Variants in KIAA1671 observed in about 807,000 individuals in gnomAD.
The protein encoded by KIAA1671 is uncharacterized protein KIAA1671.
A neutral mutation model predicts 131.2 loss-of-function variants in KIAA1671; 52 were observed. That is an observed-to-expected ratio of 0.40 (90% CI 0.32 to 0.50). KIAA1671 has a LOEUF of 0.50. Among genes scored for constraint, KIAA1671 ranks in the 20% least tolerant of loss-of-function variants. KIAA1671 has a pLI of 0.73. For synonymous variants in KIAA1671, 1,003 were observed against 961.6 expected (o/e 1.04, Z -0.80); for missense variants, 2,360 against 2,364.2 (o/e 1.00, Z 0.04).
intron 5 of KIAA1671, chr22:25,048,924 T>G (rs1193064720): frequency 9.3e-6 from 3 of 322,776 alleles, no homozygotes; most frequent in African/African-American, 4.3e-5. Context: ...ACATTCCATG[T>G]GCTGTTTCTT....
At chr22:24,984,576 A>C (rs1160442413) in intron 1 of KIAA1671, among the ~76,000 whole-genome samples, 1 of 152,194 alleles carries the variant, frequency 6.6e-6, no homozygotes, top group Non-Finnish European at 1.5e-5. Flanking sequence ...CAACTTAATA[A>C]GCGTGGAATT....
At chr22:25,021,466 C>CT (rs75152681) in intron 1 of KIAA1671, among the ~76,000 whole-genome samples, 6,716 of 133,540 alleles carry the variant, frequency 0.05, 562 homozygotes, top group African/African-American at 0.17. Context: ...TTGTCCTTAC[C>CT]TTTTTTTTTT....
At chr22:25,086,633 A>T (rs763991983) in intron 6 of KIAA1671, among the ~76,000 whole-genome samples, 1 of 152,134 alleles carries the variant, frequency 6.6e-6, no homozygotes, top group Non-Finnish European at 1.5e-5. Flanking sequence ...GCCCATCTCC[A>T]TCTGCCCCGT....
intron 1 of KIAA1671, among the ~76,000 whole-genome samples, chr22:24,996,765 G>A (rs1297084791): frequency 6.6e-6 from 1 of 152,192 alleles, no homozygotes; most frequent in East Asian, 1.9e-4. Context: ...ACCAGGAGGG[G>A]TGGAGACTGT....
chr22:25,050,880 T>C (rs2068474123), intron 6 of KIAA1671: 1 of 152,226 alleles, frequency 6.6e-6, no homozygotes, highest in African/African-American at 2.4e-5. Flanking sequence ...AGCTCTGACT[T>C]AGCTTATCTG....
At chr22:25,044,393 TTA>T (rs2145812541) in intron 5 of KIAA1671, among the ~76,000 whole-genome samples, 1 of 152,268 alleles carries the variant, frequency 6.6e-6, no homozygotes, top group South Asian at 2.1e-4. Flanking sequence ...AATGCGACAC[TTA>T]TGTTTGCCAG....
intron 6 of KIAA1671, among the ~76,000 whole-genome samples, chr22:25,163,264 GC>G (rs1933510716): frequency 1.3e-5 from 2 of 150,896 alleles, no homozygotes; most frequent in African/African-American, 4.9e-5. Context: ...AGGAGTCGAG[GC>G]TGCAGTGAGC....
intron 4 of KIAA1671, 130 bp downstream of exon 4, chr22:25,032,826 T>A: frequency 2.0e-6 from 1 of 507,820 alleles, no homozygotes; most frequent in Non-Finnish European, 3.5e-6. Flanking sequence ...TAAAACATTT[T>A]TTCTTCTAAT....
chr22:25,065,424 C>T (rs541699295), intron 6 of KIAA1671, among the ~76,000 whole-genome samples: 2 of 152,162 alleles, frequency 1.3e-5, no homozygotes, highest in Admixed American at 1.3e-4. Flanking sequence ...CATTCCTGCC[C>T]CGTCCCCACA....
At chr22:24,966,060 A>G (rs545959313) in intron 1 of KIAA1671, among the ~76,000 whole-genome samples, 1 of 152,180 alleles carries the variant, frequency 6.6e-6, no homozygotes, top group Non-Finnish European at 1.5e-5. Context: ...CTTCGCAGCT[A>G]GTGGCAGGCA....
In KIAA1671 at chr22:25,049,089, A is replaced by T. The variant is rs1927394266; in HGVS notation, c.4396-141A>T. The stretch of plus-strand genomic sequence containing the variant: ...GCTACCGCCCTACATGTTACCTCTG[A>T]TCATTAAAGTGGGGGATTTCTGGGG... On this transcript the variant is annotated intron_variant, in intron 5 of 12. Coordinates refer to ENST00000358431, the MANE Select transcript of KIAA1671 (RefSeq NM_001145206.2). The T allele has an allele frequency of 5.7e-6, 6 of 1,045,218 alleles. No homozygotes were observed. In the East Asian group the frequency reaches 1.1e-4, roughly 18 times the overall value. The allele number at this position is 1,045,218 out of a possible 1,614,324, so 64.7% of individuals were successfully genotyped here.
chr22:24,998,091 G>A (rs1340739427), intron 1 of KIAA1671, among the ~76,000 whole-genome samples: 1 of 152,136 alleles, frequency 6.6e-6, no homozygotes, highest in Non-Finnish European at 1.5e-5. Flanking sequence ...CCCATCATAA[G>A]TCAAAAGTAT....
At chr22:25,123,854 G>A (rs1043427588) in intron 6 of KIAA1671, among the ~76,000 whole-genome samples, 1 of 152,174 alleles carries the variant, frequency 6.6e-6, no homozygotes, top group Non-Finnish European at 1.5e-5. Context: ...TGAGTTGTGG[G>A]GCTATTTGTT....
chr22:25,181,461 C>T (rs535269255), intron 9 of KIAA1671, among the ~76,000 whole-genome samples: 80 of 152,274 alleles, frequency 5.3e-4, no homozygotes, highest in African/African-American at 1.9e-3. Flanking sequence ...TCTGTCCTCC[C>T]GCAAAAGAAA....
intron 1 of KIAA1671, among the ~76,000 whole-genome samples, chr22:25,008,746 T>C (rs1204448032): frequency 6.6e-6 from 1 of 152,226 alleles, no homozygotes; most frequent in African/African-American, 2.4e-5. Context: ...TAATGACTAA[T>C]AACCAGACTT....
At chr22:25,090,111 A>T (rs1601301012) in intron 6 of KIAA1671, among the ~76,000 whole-genome samples, 1 of 152,208 alleles carries the variant, frequency 6.6e-6, no homozygotes, top group Non-Finnish European at 1.5e-5. Flanking sequence ...ATCTGTGAGG[A>T]TCCAGGGAGT....
chr22:25,187,897 A>G (rs1934530780), intron 11 of KIAA1671, among the ~76,000 whole-genome samples: 1 of 152,242 alleles, frequency 6.6e-6, no homozygotes, highest in African/African-American at 2.4e-5. Flanking sequence ...AAAAGTCAAA[A>G]GTAGTACCAT....
intron 1 of KIAA1671, among the ~76,000 whole-genome samples, chr22:24,966,585 T>C (rs8141820): frequency 0.035 from 5,364 of 152,298 alleles, 263 homozygotes; most frequent in African/African-American, 0.11. Context: ...GAATGCTTGC[T>C]CACCTGCATA....
At chr22:24,959,476 G>C (rs553894406) in intron 1 of KIAA1671, among the ~76,000 whole-genome samples, 21 of 151,810 alleles carry the variant, frequency 1.4e-4, no homozygotes, top group African/African-American at 4.8e-4. Flanking sequence ...TGAGCTAGAT[G>C]GTGCCACTGC....
Sources: gnomAD v4.1 joint callset for allele counts (sites outside exome capture counted in the v4.1 genomes callset) on GRCh38, gnomAD v4.1.1 for gene constraint, MANE v1.5 for transcripts, NCBI Gene and HGNC (gene_info 2026-07-23, HGNC 2026-07-21) for gene names.